MYH13: variants seen among roughly 807,000 people sequenced by gnomAD.
The protein encoded by MYH13 is myosin heavy chain 13, also known as myosin-13.
Under a neutral mutation model 232.1 loss-of-function variants are expected in MYH13, and 177 were observed. The observed-to-expected ratio is 0.76, with a 90% CI of 0.67 to 0.86. The LOEUF (loss-of-function observed/expected upper bound fraction) is 0.86. Among genes scored for constraint, MYH13 ranks in the 40% least tolerant of loss-of-function variants. MYH13 has a pLI of 0.00. For synonymous variants in MYH13, 884 were observed against 923.5 expected, an observed-to-expected ratio of 0.96 and a Z score of 0.78; for missense variants, 2,246 against 2,405.9, an observed-to-expected ratio of 0.93 and a Z score of 1.39.
At chr17:10,323,288 G>T (rs557030517) in intron 23 of MYH13, among the ~76,000 whole-genome samples, 1 of 152,122 alleles carries the variant, frequency 6.6e-6, no homozygotes, top group Non-Finnish European at 1.5e-5. Context: ...GCCGGTACCC[G>T]CTCCTCTCAG....
chr17:10,371,568 T>G (rs995713635), intron 1 of MYH13, among the ~76,000 whole-genome samples: 2 of 152,238 alleles, frequency 1.3e-5, no homozygotes, highest in African/African-American at 4.8e-5. Flanking sequence ...CCTATAGGAA[T>G]GCAAAAGTTA....
rs373259105 is a variant in MYH13 at position 10,345,217 on chromosome 17, G to A, written c.1569C>T (p.Ile523=). 14 of 1,613,970 alleles carry A rather than the reference G, an allele frequency of 8.7e-6. No individual in the cohort carries two copies. The highest frequency in any genetic ancestry group is 2.2e-5 in the East Asian group (1 of 44,898). ...IDFGMDLAAC[I]ELIEKPMGIF... is the part of the protein sequence containing the mutation. ...ATCTCTCTACCTTCTCGATGAGCTC[G>A]ATGCAGGCAGCCAGGTCCATTCCGA... The change falls in exon 15 of 41, where the codon ATC becomes ATT. Residue 523 remains isoleucine, a synonymous_variant. Coordinates refer to ENST00000252172, the MANE Select transcript of MYH13 (RefSeq NM_003802.3).
intron 18 of MYH13, among the ~76,000 whole-genome samples, chr17:10,333,913 A>T (rs1290701760): frequency 6.6e-6 from 1 of 151,934 alleles, no homozygotes; most frequent in Non-Finnish European, 1.5e-5. Flanking sequence ...CACCTCAAAA[A>T]AAAAAAAAGA....
At position 10,345,371 on chromosome 17, in the gene MYH13, A is replaced by G. The variant is rs1432384638; in HGVS notation, c.1415T>C (p.Phe472Ser). The change falls in exon 15 of 41, where the codon TTC becomes TCC. Residue 472 changes from phenylalanine (F) to serine (S), a missense_variant and splice_region_variant. Coordinates refer to ENST00000252172, the MANE Select transcript of MYH13 (RefSeq NM_003802.3). ...GATGCACAGCTGCTCCAGGCTGTTG[A>G]ACTGGGTGATTCAAATACCAAAGAA... Reference protein sequence around the residue: ...LDIAGFEIFDFNSLEQLCINF... With the variant: ...LDIAGFEIFDSNSLEQLCINF... 2 of 1,614,220 alleles carry G rather than the reference A, an allele frequency of 1.2e-6. No individual in the cohort carries two copies. Among genetic ancestry groups the G allele is most frequent in the Non-Finnish European group, 1.7e-6 (2 of 1,180,044 alleles).
chr17:10,301,683 C>T lies in MYH13; in HGVS notation c.5688G>A (p.Gln1896=). The T allele has an allele frequency of 6.2e-7, 1 of 1,613,854 alleles. No homozygotes were observed. The highest frequency in any genetic ancestry group is 8.5e-7 in the Non-Finnish European group (1 of 1,180,006). The stretch of plus-strand genomic sequence containing the variant: ...GCTGGACTCTCCGGCATCTGGACAG[C>T]TGCGTGTTGGCCTGCTCCTCCTGCA... ...AEEAEEQANT[Q]LSRCRRVQHE... is the part of the protein sequence containing the mutation. The change falls in exon 40 of 41, where the codon CAG becomes CAA. Residue 1896 remains glutamine (Q), a synonymous_variant. Coordinates refer to ENST00000252172, the MANE Select transcript of MYH13 (RefSeq NM_003802.3).
rs374190736 is a variant in MYH13 at position 10,321,486 on chromosome 17, T to C, written c.3111+46A>G. 3.4e-5 allele frequency: 53 copies of C among 1,563,832 alleles called. No homozygotes were observed. The African/African-American group carries it at 6.2e-4, about 18-fold the overall frequency. On this transcript the variant is annotated intron_variant, in intron 24 of 40. Coordinates refer to ENST00000252172, the MANE Select transcript of MYH13 (RefSeq NM_003802.3). ...TAGTTAGACTGTCTCTTGTCTGTGC[T>C]TCCACAAGTGATAAATGCTAAAGCA...
At chr17:10,356,703 T>C (rs2071752050) in intron 8 of MYH13, among the ~76,000 whole-genome samples, 1 of 152,212 alleles carries the variant, frequency 6.6e-6, no homozygotes, top group African/African-American at 2.4e-5. Flanking sequence ...CCATTTTATC[T>C]TTCAGGCGAC....
chr17:10,319,369 T>G (rs1481977856), intron 26 of MYH13, among the ~76,000 whole-genome samples, 190 bp from the exon 27 acceptor site: 1 of 151,528 alleles, frequency 6.6e-6, no homozygotes. Flanking sequence ...ATTAGCCGGG[T>G]GTGGTGGCGG....
chr17:10,354,962 T>C lies in MYH13; in HGVS notation c.834A>G (p.Gln278=). Residue 278 remains glutamine (Q), a synonymous_variant, in exon 10 of 41, where the codon CAA becomes CAG. Transcript: ENST00000252172. ...TATGATAGCTTCTCTCACTGGATAA[T>C]TGAAACGTCACTCTGGATTTTTCTA... ...YLLEKSRVTF[Q]LSSERSYHIF... The C allele has an allele frequency of 1.2e-6, 2 of 1,610,026 alleles. No individual in the cohort carries two copies. Among genetic ancestry groups the C allele is most frequent in the Non-Finnish European group, 1.7e-6 (2 of 1,176,276 alleles).
chr17:10,317,560 C>T (rs971142737), intron 27 of MYH13: 1 of 152,314 alleles, frequency 6.6e-6, no homozygotes, highest in African/African-American at 2.4e-5. Flanking sequence ...AGGGTCACCA[C>T]TGCTTCTTCC....
Position 10,300,936 on chromosome 17 carries a change from A to T in MYH13, c.*15T>A, listed in dbSNP as rs537315098. On this transcript the variant is annotated 3_prime_UTR_variant, in exon 41 of 41. Transcript: ENST00000252172. Reference sequence around the variant, plus strand: ...CTCTCGGAGGTGTCCCATGGCAACGAGCATCAGGTGAGCCTCATTCTTCCA... The same window carrying T: ...CTCTCGGAGGTGTCCCATGGCAACGTGCATCAGGTGAGCCTCATTCTTCCA... 6.2e-7 allele frequency: 1 copy of T among 1,612,662 alleles called. No homozygotes were observed. Among genetic ancestry groups the T allele is most frequent in the South Asian group, 1.1e-5 (1 of 91,020 alleles).
At position 10,361,345 on chromosome 17, in the gene MYH13, G is replaced by A. The variant is rs1020702062; in HGVS notation, c.505+773C>T. On this transcript the variant is annotated intron_variant, in intron 5 of 40. Transcript: ENST00000252172. ...TTGCTCTTTTTGCCCAGGCTGAAGT[G>A]CAGTGGCGAGATCTCAGCTCACCGC... Among the ~76,000 whole-genome samples the A allele has an allele frequency of 4.7e-5, 7 of 147,918 alleles. 1 individual carries two copies. The highest frequency in any genetic ancestry group is 2.1e-4 in the South Asian group (1 of 4,664).
intron 24 of MYH13, among the ~76,000 whole-genome samples, chr17:10,320,778 G>T (rs1217624879): frequency 6.6e-6 from 1 of 152,250 alleles, no homozygotes; most frequent in African/African-American, 2.4e-5. Context: ...CCCTGTAGGG[G>T]TATGGTACCC....
At chr17:10,355,394 T>G (rs1235160718) in intron 8 of MYH13, among the ~76,000 whole-genome samples, 1 of 152,192 alleles carries the variant, frequency 6.6e-6, no homozygotes, top group Non-Finnish European at 1.5e-5. Flanking sequence ...GTCTAATCAC[T>G]TAGTATCCCT....
At chr17:10,327,566 A>G (rs1019598342) in intron 22 of MYH13, among the ~76,000 whole-genome samples, 21 of 152,202 alleles carry the variant, frequency 1.4e-4, no homozygotes, top group African/African-American at 4.1e-4. Context: ...TGTGGTGCAT[A>G]TACATATGAC....
chr17:10,368,411 T>C (rs926343174), intron 2 of MYH13, among the ~76,000 whole-genome samples: 1 of 152,198 alleles, frequency 6.6e-6, no homozygotes, highest in African/African-American at 2.4e-5. Context: ...TAAATAAAAA[T>C]GGTGCTTTAT....
At chr17:10,311,324 A>T (rs1345405507) in intron 32 of MYH13, 97 bp from the exon 33 acceptor site, 7 of 1,454,354 alleles carry the variant, frequency 4.8e-6, no homozygotes, top group Non-Finnish European at 5.6e-6. Context: ...TTCATTCATG[A>T]CATTTATACA....
rs201002586 is a variant in MYH13 at position 10,339,493 on chromosome 17, G to A, written c.2056+657C>T. ...GGTAATATAACAAAGTGATTGACAT[G>A]CAGTATGGCTTCAAACAGTTGTTAT... On this transcript the variant is annotated intron_variant, in intron 18 of 40. Transcript: ENST00000252172. Among the ~76,000 whole-genome samples, 4 of 152,214 alleles carry A rather than the reference G, an allele frequency of 2.6e-5. No individual in the cohort carries two copies. In the East Asian group the frequency reaches 7.7e-4, roughly 29 times the overall value.
intron 18 of MYH13, among the ~76,000 whole-genome samples, chr17:10,333,925 G>T (rs548573369): frequency 1.5e-3 from 232 of 151,558 alleles, no homozygotes; most frequent in African/African-American, 5.3e-3. Flanking sequence ...AAAAAAAGAA[G>T]AGGCCGTGGG....
Sources: allele counts gnomAD v4.1 joint callset (sites outside exome capture counted in the v4.1 genomes callset), GRCh38; gene constraint gnomAD v4.1.1; transcripts MANE v1.5; gene names NCBI Gene and HGNC (gene_info 2026-07-23, HGNC 2026-07-21).